Variants in CAMSAP2 observed in about 807,000 individuals in gnomAD.
CAMSAP2 encodes the protein calmodulin-regulated spectrin-associated protein 2.
CAMSAP2 carries 26 observed loss-of-function variants against 146.1 expected under a neutral mutation model. That is an observed-to-expected ratio of 0.18 (90% CI 0.13 to 0.25). The LOEUF is 0.25. CAMSAP2 is among the 10% of genes least tolerant of loss of function. The pLI is 1.00. For synonymous variants in CAMSAP2, 499 were observed against 596.6 expected, an observed-to-expected ratio of 0.84 and a Z score of 2.38; for missense variants, 1,381 against 1,759.3, an observed-to-expected ratio of 0.78 and a Z score of 3.85.
intron 7 of CAMSAP2, 49 bp from the exon 8 acceptor site, chr1:200,844,733 C>T: frequency 1.8e-6 from 2 of 1,112,644 alleles, no homozygotes; most frequent in South Asian, 1.6e-5. Flanking sequence ...CAGAATTTTT[C>T]ATAGAAATAT....
At chr1:200,793,388 G>A (rs533357258) in intron 2 of CAMSAP2, among the ~76,000 whole-genome samples, 2 of 152,016 alleles carry the variant, frequency 1.3e-5, no homozygotes, top group Non-Finnish European at 2.9e-5. Context: ...ATGGATATTA[G>A]TATATATGTT....
chr1:200,785,081 G>T lies in CAMSAP2; in HGVS notation c.400-22295G>T, dbSNP rs969636784. On this transcript the variant is annotated intron_variant, in intron 2 of 16. Transcript: ENST00000358823. Reference sequence around the variant, plus strand: ...TACGTTGATTTCAAATATTAAACTGGTCTTGAATTCCTGGAGTTAAACTCA... The same window carrying T: ...TACGTTGATTTCAAATATTAAACTGTTCTTGAATTCCTGGAGTTAAACTCA... 2.0e-5 allele frequency among the ~76,000 whole-genome samples: 3 copies of T among 152,034 alleles called. No homozygotes were observed. The South Asian group carries it at 6.2e-4, about 32-fold the overall frequency.
At chr1:200,771,254 A>G (rs577675810) in intron 2 of CAMSAP2, among the ~76,000 whole-genome samples, 1 of 152,320 alleles carries the variant, frequency 6.6e-6, no homozygotes, top group South Asian at 2.1e-4. Context: ...CGACAGGAAG[A>G]TTTAGATCTA....
intron 6 of CAMSAP2, among the ~76,000 whole-genome samples, chr1:200,839,224 A>T (rs1291399821): frequency 6.6e-6 from 1 of 152,210 alleles, no homozygotes; most frequent in Non-Finnish European, 1.5e-5. Flanking sequence ...ATTTAGCAAC[A>T]TATGTACATC....
chr1:200,811,042 C>A (rs1334048078), intron 3 of CAMSAP2, among the ~76,000 whole-genome samples: 2 of 152,180 alleles, frequency 1.3e-5, no homozygotes, highest in Admixed American at 1.3e-4. Context: ...TCTCCCATAC[C>A]CATTCCTAAC....
intron 8 of CAMSAP2, among the ~76,000 whole-genome samples, chr1:200,845,307 C>T (rs1667433797): frequency 6.6e-6 from 1 of 151,272 alleles, no homozygotes; most frequent in South Asian, 2.1e-4. Flanking sequence ...GTGTTACCCA[C>T]ACAACGGGTG....
chr1:200,769,953 C>T (rs1253119923), intron 2 of CAMSAP2, among the ~76,000 whole-genome samples: 2 of 152,150 alleles, frequency 1.3e-5, no homozygotes, highest in Admixed American at 6.5e-5. Flanking sequence ...TTCCTGAGGC[C>T]TAACACACCC....
Position 200,844,889 on chromosome 1 carries a change from T to C in CAMSAP2, c.1109+20T>C. 2 of 1,290,618 alleles carry C rather than the reference T, an allele frequency of 1.5e-6. No homozygotes were observed. Among genetic ancestry groups the C allele is most frequent in the Non-Finnish European group, 2.2e-6 (2 of 912,240 alleles). 79.9% of individuals were successfully genotyped at this position (1,290,618 alleles called of 1,614,324 possible). On this transcript the variant is annotated intron_variant, in intron 8 of 16. Transcript: ENST00000358823. ...TTCAAGGTAAACTCCACAATGACTT[T>C]ATTTTCACCATTTCTATTCTATTTA...
In CAMSAP2 at chr1:200,760,992, T is replaced by C. The variant is rs137971545; in HGVS notation, c.293T>C (p.Leu98Ser). 1 of 1,614,024 alleles carries C rather than the reference T, an allele frequency of 6.2e-7. No homozygotes were observed. The highest frequency in any genetic ancestry group is 1.3e-5 in the African/African-American group (1 of 74,918). ...ILKSDAAKPL[L>S]GHDAVIQALA... is the part of the protein sequence containing the mutation. ...AAGAGTGATGCTGCAAAACCCCTTT[T>C]GGGCCATGATGCTGTAATCCAGGCT... The change falls in exon 2 of 17, where the codon TTG (leucine) becomes TCG (serine). Residue 98 changes from leucine (L) to serine (S), a missense_variant. Leu to Ser is a moderately radical substitution (Grantham distance 145). Around this residue, in one of 4 missense-constraint regions of CAMSAP2, gnomAD observed 284 missense variants for 406.9 expected, o/e 0.70. Transcript: ENST00000358823.
At chr1:200,748,793 G>A (rs1024778566) in intron 1 of CAMSAP2, among the ~76,000 whole-genome samples, 1 of 150,076 alleles carries the variant, frequency 6.7e-6, no homozygotes, top group Admixed American at 6.6e-5. Context: ...TATACGTGGT[G>A]TATAGTTCTA....
At chr1:200,809,400 G>A (rs1470277074) in intron 3 of CAMSAP2, among the ~76,000 whole-genome samples, 1 of 151,934 alleles carries the variant, frequency 6.6e-6, no homozygotes, top group African/African-American at 2.4e-5. Flanking sequence ...ACTTTTTAAT[G>A]TACATAAGAA....
chr1:200,794,909 C>A (rs975433477), intron 2 of CAMSAP2, among the ~76,000 whole-genome samples: 1 of 152,322 alleles, frequency 6.6e-6, no homozygotes, highest in African/African-American at 2.4e-5. Flanking sequence ...AGTGATTCAT[C>A]CTAACCCTAT....
chr1:200,781,987 A>G (rs1210173053), intron 2 of CAMSAP2, among the ~76,000 whole-genome samples: 1 of 152,212 alleles, frequency 6.6e-6, no homozygotes, highest in Admixed American at 6.5e-5. Flanking sequence ...GTTAATTGAT[A>G]TAACATTTTG....
chr1:200,857,350 A>G lies in CAMSAP2; in HGVS notation c.4057A>G (p.Ile1353Val), dbSNP rs1558213769. ...ACCCAGTGCAAAATCCAATAAGCAC[A>G]TAATACAAAATGCTTTAGCTCATTG... ...KEPSAKSNKHIIQNALAHCCL... is the reference protein window; with the variant it reads ...KEPSAKSNKHVIQNALAHCCL... The change falls in exon 16 of 17, where the codon ATA becomes GTA. Residue 1353 changes from isoleucine to valine, a missense_variant. Coordinates refer to ENST00000358823, the MANE Select transcript of CAMSAP2 (RefSeq NM_203459.4). The surrounding 1 kb of genome is among the most constrained non-coding windows in gnomAD (Gnocchi z 4.7). 8 of 1,613,826 alleles carry G rather than the reference A, an allele frequency of 5.0e-6. No homozygotes were observed. The highest frequency in any genetic ancestry group is 6.8e-6 in the Non-Finnish European group (8 of 1,179,816).
chr1:200,826,092 C>T (rs1666899309), intron 4 of CAMSAP2, among the ~76,000 whole-genome samples: 1 of 152,058 alleles, frequency 6.6e-6, no homozygotes, highest in East Asian at 1.9e-4. Context: ...ATTTTATATT[C>T]CATCAGCGAT....
chr1:200,838,970 C>G (rs1318610140), intron 6 of CAMSAP2, among the ~76,000 whole-genome samples: 2 of 152,116 alleles, frequency 1.3e-5, no homozygotes, highest in African/African-American at 4.8e-5. Flanking sequence ...TGGTGCCATT[C>G]AGTGAGATAA....
Position 200,754,797 on chromosome 1 carries a change from C to T in CAMSAP2, c.140-6042C>T, listed in dbSNP as rs7545864. 3.1e-3 allele frequency among the ~76,000 whole-genome samples: 465 copies of T among 152,050 alleles called. 2 individuals are homozygous for T. Among genetic ancestry groups the T allele is most frequent in the African/African-American group, 0.01 (430 of 41,490 alleles). On this transcript the variant is annotated intron_variant, in intron 1 of 16. Transcript: ENST00000358823. ...CGGGGTTTCACCGTGTTAGTCAGGA[C>T]GGTCTCTATCTCCTGACCTTGTGAT...
chr1:200,802,862 G>T (rs1264264864), intron 2 of CAMSAP2, among the ~76,000 whole-genome samples: 2 of 152,102 alleles, frequency 1.3e-5, no homozygotes, highest in Non-Finnish European at 2.9e-5. Context: ...AGACTCCACT[G>T]GTTGGAGATG....
At chr1:200,816,831 CGT>C (rs753279746) in intron 4 of CAMSAP2, among the ~76,000 whole-genome samples, 6 of 75,178 alleles carry the variant, frequency 8.0e-5, no homozygotes, top group South Asian at 1.0e-3. Flanking sequence ...CACACACACG[CGT>C]GTGTATGTGT....
Sources: gnomAD v4.1 joint callset for allele counts (sites outside exome capture counted in the v4.1 genomes callset) on GRCh38, gnomAD v4.1.1 for gene constraint, gnomAD v4.1.1 regional missense constraint, Gnocchi (gnomAD v3.1) non-coding constraint, MANE v1.5 for transcripts, NCBI Gene and HGNC (gene_info 2026-07-23, HGNC 2026-07-21) for gene names.